TXNL1: variants seen among roughly 807,000 people sequenced by gnomAD.
TXNL1 encodes thioredoxin like 1.
In TXNL1, 14 loss-of-function variants were observed where a neutral mutation model predicts 35.5. The observed-to-expected ratio is 0.39, with a 90% CI of 0.26 to 0.62. The LOEUF (loss-of-function observed/expected upper bound fraction) is 0.62, where lower values mean the gene tolerates loss of function less well. Among genes scored for constraint, TXNL1 ranks in the 20% least tolerant of loss-of-function variants. The pLI is 0.47. For synonymous variants in TXNL1, 110 were observed against 115.5 expected (o/e 0.95, Z 0.31); for missense variants, 263 against 349.7 (o/e 0.75, Z 1.98).
At chr18:56,620,795 G>A (rs1423254455) in intron 3 of TXNL1, among the ~76,000 whole-genome samples, 1 of 152,164 alleles carries the variant, frequency 6.6e-6, no homozygotes, top group Non-Finnish European at 1.5e-5. Context: ...TGTATGTCAA[G>A]TAAATATGAA....
intron 6 of TXNL1, among the ~76,000 whole-genome samples, chr18:56,612,384 ATTTT>A (rs144206046): frequency 6.7e-6 from 1 of 148,740 alleles, no homozygotes; most frequent in Non-Finnish European, 1.5e-5. Flanking sequence ...TATGTGCCTC[ATTTT>A]TTTTTTAAGC....
Position 56,626,438 on chromosome 18 carries a change from T to C in TXNL1, c.118A>G (p.Ile40Val). Residue 40 changes from isoleucine to valine, a missense_variant, in exon 2 of 8, where the codon ATT becomes GTT. Physicochemically the swap from Ile to Val is conservative, Grantham distance 29. Coordinates refer to ENST00000217515, the MANE Select transcript of TXNL1 (RefSeq NM_004786.3). ...TMRGCGPCLR[I>V]APAFSSMSNK... ...CTCATAGAACTGAATGCTGGGGCAATCCTCAAACATGGCCCACACCTGTTA... is the reference window on the plus strand; with the variant it reads ...CTCATAGAACTGAATGCTGGGGCAACCCTCAAACATGGCCCACACCTGTTA... The C allele has an allele frequency of 6.2e-7, 1 of 1,612,674 alleles. No individual in the cohort carries two copies. Among genetic ancestry groups the C allele is most frequent in the Non-Finnish European group, 8.5e-7 (1 of 1,179,334 alleles).
At chr18:56,623,972 T>G (rs1195341699) in intron 3 of TXNL1, among the ~76,000 whole-genome samples, 1 of 152,120 alleles carries the variant, frequency 6.6e-6, no homozygotes, top group Non-Finnish European at 1.5e-5. Flanking sequence ...ATTTCTACAT[T>G]TTCTGGAAAA....
intron 1 of TXNL1, among the ~76,000 whole-genome samples, chr18:56,633,534 G>T (rs2024408887): frequency 6.7e-6 from 1 of 148,408 alleles, no homozygotes; most frequent in Admixed American, 6.8e-5. Flanking sequence ...TGGGAGGATT[G>T]CTTGAGCCCA....
At chr18:56,605,589 TAA>T (rs1445746660) in intron 7 of TXNL1, among the ~76,000 whole-genome samples, 1 of 152,194 alleles carries the variant, frequency 6.6e-6, no homozygotes, top group African/African-American at 2.4e-5. Context: ...GCAATCCATA[TAA>T]AGAGCATATT....
intron 1 of TXNL1, among the ~76,000 whole-genome samples, chr18:56,627,540 GATCAA>G (rs2024305649): frequency 1.3e-5 from 2 of 152,082 alleles, no homozygotes; most frequent in South Asian, 2.1e-4. Context: ...TAAGCAAAAT[GATCAA>G]ATCAGTTTTC....
At chr18:56,627,838 T>C (rs1383452367) in intron 1 of TXNL1, among the ~76,000 whole-genome samples, 1 of 143,358 alleles carries the variant, frequency 7.0e-6, no homozygotes, top group Non-Finnish European at 1.5e-5. Flanking sequence ...TGATTTCTTA[T>C]ACAAAACACA....
rs374373700 is a variant in TXNL1, at chr18:56,638,423, G to A, written c.18C>T (p.Pro6=). 8.1e-6 allele frequency: 13 copies of A among 1,613,336 alleles called. No homozygotes were observed. In the Admixed American group the frequency reaches 8.3e-5, roughly 10 times the overall value. Residue 6 remains proline, a synonymous_variant, in exon 1 of 8, where the codon CCC becomes CCT. Transcript: ENST00000217515. MVGVK[P]VGSDPDFQPE... is the part of the protein sequence containing the mutation. The stretch of plus-strand genomic sequence containing the variant: ...GCTGGAAATCCGGGTCGCTCCCGAC[G>A]GGCTTCACCCCCACCATCCTCACAG...
intron 3 of TXNL1, among the ~76,000 whole-genome samples, chr18:56,620,275 A>G (rs1317129141): frequency 6.6e-6 from 1 of 152,162 alleles, no homozygotes; most frequent in Non-Finnish European, 1.5e-5. Flanking sequence ...CCATGATGAT[A>G]TTATTGAATT....
Position 56,601,382 on chromosome 18 carries a change from C to A in TXNL1, c.*1645G>T, listed in dbSNP as rs928714093. ...AAATTTGTTTCACTGGGTTTTCAAACTATCAAGTATAAATAGGAAAAGGTC... is the reference window on the plus strand; with the variant it reads ...AAATTTGTTTCACTGGGTTTTCAAAATATCAAGTATAAATAGGAAAAGGTC... On this transcript the variant is annotated 3_prime_UTR_variant, in exon 8 of 8. Coordinates refer to ENST00000217515, the MANE Select transcript of TXNL1 (RefSeq NM_004786.3). 3.9e-5 allele frequency: 6 copies of A among 152,124 alleles called. No homozygotes were observed. Among genetic ancestry groups the A allele is most frequent in the Admixed American group, 2.0e-4 (3 of 15,270 alleles). The allele number at this position is 152,124 out of a possible 1,614,324, so 9.4% of individuals were successfully genotyped here.
chr18:56,635,400 A>G (rs966390554), intron 1 of TXNL1, among the ~76,000 whole-genome samples: 5 of 152,252 alleles, frequency 3.3e-5, no homozygotes, highest in Admixed American at 6.5e-5. Flanking sequence ...AAAATTTGCC[A>G]TATAAATAAA....
chr18:56,618,082 A>C lies in TXNL1; in HGVS notation c.414T>G (p.Leu138=). 6.2e-7 allele frequency: 1 copy of C among 1,613,976 alleles called. No individual in the cohort carries two copies. The highest frequency in any genetic ancestry group is 8.5e-7 in the Non-Finnish European group (1 of 1,179,916). ...PFINKAGCEC[L]NESDEHGFDN... ...CAAATCCATGCTCATCACTTTCATT[A>C]AGACATTCACAACCAGCTTTGTTAA... is the stretch of plus-strand genomic sequence containing the variant. The change falls in exon 4 of 8, where the codon CTT becomes CTG. Residue 138 remains leucine (L), a synonymous_variant. Coordinates refer to ENST00000217515, the MANE Select transcript of TXNL1 (RefSeq NM_004786.3).
chr18:56,608,263 CTCTTTT>C (rs1282306021), intron 7 of TXNL1: 1 of 152,096 alleles, frequency 6.6e-6, no homozygotes, highest in Admixed American at 6.6e-5. Context: ...CATGTAAACC[CTCTTTT>C]TCTTTTTTTA....
intron 5 of TXNL1, 122 bp from the exon 6 acceptor site, chr18:56,614,718 T>C: frequency 1.3e-6 from 1 of 773,808 alleles, no homozygotes; most frequent in South Asian, 2.3e-5. Flanking sequence ...TTCAAATAAC[T>C]CCATTATTAG....
At chr18:56,621,740 G>T (rs2024189995) in intron 3 of TXNL1, among the ~76,000 whole-genome samples, 1 of 151,894 alleles carries the variant, frequency 6.6e-6, no homozygotes, top group Non-Finnish European at 1.5e-5. Flanking sequence ...TGGCTCACAC[G>T]TGTAATCCTA....
Position 56,601,953 on chromosome 18 carries a change from T to C in TXNL1, c.*1074A>G, listed in dbSNP as rs1256106302. The C allele has an allele frequency of 6.6e-6, 1 of 152,234 alleles. No homozygotes were observed. Among genetic ancestry groups the C allele is most frequent in the Non-Finnish European group, 1.5e-5 (1 of 68,040 alleles). The allele number at this position is 152,234 out of a possible 1,614,324, so 9.4% of individuals were successfully genotyped here. ...TTTCAACCTTAAATCATGTTCTCTGTATATTTACACTGCACGTTTTGGTAG... is the reference window on the plus strand; with the variant it reads ...TTTCAACCTTAAATCATGTTCTCTGCATATTTACACTGCACGTTTTGGTAG... On this transcript the variant is annotated 3_prime_UTR_variant, in exon 8 of 8. Transcript: ENST00000217515.
intron 3 of TXNL1, among the ~76,000 whole-genome samples, chr18:56,621,362 T>C (rs1006299066): frequency 2.0e-5 from 3 of 152,088 alleles, no homozygotes; most frequent in African/African-American, 7.2e-5. Context: ...ACCTGGCTAA[T>C]TTTTGTATTT....
intron 2 of TXNL1, among the ~76,000 whole-genome samples, chr18:56,625,404 C>T (rs1411205128): frequency 6.6e-6 from 1 of 151,984 alleles, no homozygotes; most frequent in Non-Finnish European, 1.5e-5. Context: ...AAAGATAATG[C>T]AATATTTTAC....
intron 7 of TXNL1, among the ~76,000 whole-genome samples, chr18:56,604,886 A>G (rs1405839951): frequency 6.6e-6 from 1 of 152,220 alleles, no homozygotes; most frequent in Non-Finnish European, 1.5e-5. Flanking sequence ...AAAGAATTCT[A>G]TAGTTCCTAG....
Sources: allele counts gnomAD v4.1 joint callset (sites outside exome capture counted in the v4.1 genomes callset), GRCh38; gene constraint gnomAD v4.1.1; transcripts MANE v1.5; gene names NCBI Gene and HGNC (gene_info 2026-07-23, HGNC 2026-07-21).